FOXK2: variants seen among roughly 807,000 people sequenced by gnomAD.
The protein encoded by FOXK2 is forkhead box K2, also known as forkhead box protein K2.
Under a neutral mutation model 53.3 loss-of-function variants are expected in FOXK2, and 24 were observed. That is an observed-to-expected ratio of 0.45 (90% confidence interval 0.33 to 0.63). The LOEUF (loss-of-function observed/expected upper bound fraction) is 0.63, where lower values mean the gene tolerates loss of function less well. Among genes scored for constraint, FOXK2 ranks in the 30% least tolerant of loss-of-function variants. FOXK2 has a pLI of 0.03. For missense variants in FOXK2, 952 were observed against 910.5 expected (o/e 1.05, Z -0.59); for synonymous variants, 505 against 407.1 (o/e 1.24, Z -2.89).
At chr17:82,595,742 G>T (rs2045303182) in intron 8 of FOXK2, 1 of 1,285,104 alleles carries the variant, frequency 7.8e-7, no homozygotes, top group Non-Finnish European at 1.0e-6. Flanking sequence ...AGTGCACCTG[G>T]CTCCTGTGAC....
intron 8 of FOXK2, among the ~76,000 whole-genome samples, chr17:82,594,624 G>A (rs774623098): frequency 6.6e-6 from 1 of 152,216 alleles, no homozygotes; most frequent in Middle Eastern, 3.4e-3. Context: ...TCCAAAAGCC[G>A]CCCTCTGAAT....
At chr17:82,534,336 A>C (rs191129616) in intron 1 of FOXK2, among the ~76,000 whole-genome samples, 24 of 152,334 alleles carry the variant, frequency 1.6e-4, no homozygotes, top group Admixed American at 5.2e-4. Flanking sequence ...TTGAATAAAA[A>C]TGTTCTAATA....
chr17:82,577,164 A>G lies in FOXK2; in HGVS notation c.909+5294A>G, dbSNP rs554760528. 21 of 918,226 alleles carry G rather than the reference A, an allele frequency of 2.3e-5. No homozygotes were observed. In the African/African-American group the frequency reaches 2.7e-4, roughly 12 times the overall value. 56.9% of individuals were successfully genotyped at this position (918,226 alleles called of 1,614,324 possible). A position where few individuals can be genotyped will look rare whatever the true frequency, so the allele number is the denominator to read the frequency against. On this transcript the variant is annotated intron_variant, in intron 4 of 8. Transcript: ENST00000335255. The stretch of plus-strand genomic sequence containing the variant: ...GCAACAAGAGCAAAACTCCGTCTCA[A>G]AAAAAGAAAAAGAAAAAAAGAAATG...
chr17:82,520,001 C>T lies in FOXK2; in HGVS notation c.113C>T (p.Ala38Val), dbSNP rs769573466. ...TCCCCGCCGGGCGGCTGGGCCGTGG[C>T]GCGCCTGGAGGGCCGCGAGTTCGAG... ...GGSPPGGWAV[A>V]RLEGREFEYL... is the part of the protein sequence containing the mutation. The change falls in exon 1 of 9, where the codon GCG (alanine) becomes GTG (valine). Residue 38 changes from alanine (A) to valine (V), a missense_variant. Coordinates refer to ENST00000335255, the MANE Select transcript of FOXK2 (RefSeq NM_004514.4). 1 of 1,443,506 alleles carries T rather than the reference C, an allele frequency of 6.9e-7. No homozygotes were observed. The highest frequency in any genetic ancestry group is 9.2e-7 in the Non-Finnish European group (1 of 1,092,430). The allele number at this position is 1,443,506 out of a possible 1,614,324, so 89.4% of individuals were successfully genotyped here.
rs1489108156 is a variant in FOXK2, at chr17:82,602,766, T to G, written c.*1267T>G. On this transcript the variant is annotated 3_prime_UTR_variant, in exon 9 of 9. Transcript: ENST00000335255. The stretch of plus-strand genomic sequence containing the variant: ...AGGTCCCTGCACCTCCTCGCCCGGC[T>G]CCTCAGGAAGAAAACCGCTGGCCCT... The G allele has an allele frequency of 6.6e-6, 1 of 152,242 alleles. No individual in the cohort carries two copies. The highest frequency in any genetic ancestry group is 1.5e-5 in the Non-Finnish European group (1 of 68,046). The allele number at this position is 152,242 out of a possible 1,614,324, so 9.4% of individuals were successfully genotyped here.
Position 82,586,031 on chromosome 17 carries a change from G to C in FOXK2, c.1407G>C (p.Gln469His). The change falls in exon 7 of 9, where the codon CAG becomes CAC. Residue 469 changes from glutamine (Q) to histidine (H), a missense_variant. Coordinates refer to ENST00000335255, the MANE Select transcript of FOXK2 (RefSeq NM_004514.4). ...CGACCTCCCAGCCACCCGTCGTGCAGACGGTTCACGTCGTCCACCAGATCC... is the reference window on the plus strand; with the variant it reads ...CGACCTCCCAGCCACCCGTCGTGCACACGGTTCACGTCGTCCACCAGATCC... ...TTSTSQPPVV[Q>H]TVHVVHQIPA... The C allele has an allele frequency of 1.9e-6, 3 of 1,612,840 alleles. No individual in the cohort carries two copies. The highest frequency in any genetic ancestry group is 2.5e-6 in the Non-Finnish European group (3 of 1,179,998).
At chr17:82,590,032 C>T (rs370428619) in intron 8 of FOXK2, among the ~76,000 whole-genome samples, 32 of 150,650 alleles carry the variant, frequency 2.1e-4, no homozygotes, top group Non-Finnish European at 4.0e-4. Context: ...GGCAACACAG[C>T]GAGACTCCAT....
chr17:82,568,465 G>T (rs1403418356), intron 3 of FOXK2, among the ~76,000 whole-genome samples: 2 of 152,248 alleles, frequency 1.3e-5, no homozygotes, highest in Non-Finnish European at 2.9e-5. Flanking sequence ...GCAGACAGCG[G>T]AAGATGGAGG....
chr17:82,528,272 AT>A (rs2044438112), intron 1 of FOXK2, among the ~76,000 whole-genome samples: 1 of 152,190 alleles, frequency 6.6e-6, no homozygotes, highest in Non-Finnish European at 1.5e-5. Flanking sequence ...GTAACAGCAG[AT>A]TTTTCCATTG....
chr17:82,545,475 A>G (rs1256488421), intron 1 of FOXK2, among the ~76,000 whole-genome samples: 7 of 152,172 alleles, frequency 4.6e-5, no homozygotes, highest in Non-Finnish European at 1.0e-4. Flanking sequence ...ACAACGATTC[A>G]ATATTCTGCT....
intron 3 of FOXK2, among the ~76,000 whole-genome samples, chr17:82,569,961 C>T (rs1267428535): frequency 2.0e-5 from 3 of 148,592 alleles, no homozygotes; most frequent in East Asian, 2.2e-4. Context: ...GTGGCTCACG[C>T]CTGTAATCCC....
intron 1 of FOXK2, among the ~76,000 whole-genome samples, chr17:82,552,553 G>T (rs2044687022): frequency 6.6e-6 from 1 of 152,136 alleles, no homozygotes; most frequent in African/African-American, 2.4e-5. Flanking sequence ...TTTGTCTTCT[G>T]TGACATTGAT....
At chr17:82,560,780 T>G (rs1024365184) in intron 1 of FOXK2, among the ~76,000 whole-genome samples, 3 of 152,138 alleles carry the variant, frequency 2.0e-5, no homozygotes, top group Admixed American at 1.3e-4. Context: ...GGTGGATCAC[T>G]TGAGCCCAGG....
chr17:82,584,238 C>G, intron 6 of FOXK2, 50 bp downstream of exon 6: 1 of 1,498,422 alleles, frequency 6.7e-7, no homozygotes, highest in Non-Finnish European at 8.9e-7. Flanking sequence ...GAGCCAGACG[C>G]GGACGCCTGG....
At chr17:82,551,239 C>T (rs1247973085) in intron 1 of FOXK2, among the ~76,000 whole-genome samples, 1 of 151,854 alleles carries the variant, frequency 6.6e-6, no homozygotes, top group Non-Finnish European at 1.5e-5. Flanking sequence ...ATGGCGTGAA[C>T]CTGGGAGGCG....
intron 1 of FOXK2, among the ~76,000 whole-genome samples, chr17:82,526,916 A>G (rs1237747113): frequency 6.6e-6 from 1 of 152,054 alleles, no homozygotes; most frequent in Admixed American, 6.6e-5. Flanking sequence ...GAAGGAGGAC[A>G]GCTCCCAGTG....
intron 2 of FOXK2, among the ~76,000 whole-genome samples, chr17:82,567,527 C>T (rs1441657275): frequency 6.6e-6 from 1 of 152,224 alleles, no homozygotes; most frequent in East Asian, 1.9e-4. Flanking sequence ...TGCTGTTGTG[C>T]CTTCAGCAGG....
At chr17:82,586,404 G>A (rs76509345) in intron 7 of FOXK2, among the ~76,000 whole-genome samples, 1,719 of 16,394 alleles carry the variant, frequency 0.1, 3 homozygotes, top group Middle Eastern at 0.17. Context: ...AGGTGGGCGG[G>A]GGGGAAAGGA....
intron 2 of FOXK2, among the ~76,000 whole-genome samples, chr17:82,566,355 C>A (rs796482950): frequency 6.6e-6 from 1 of 152,022 alleles, no homozygotes; most frequent in Non-Finnish European, 1.5e-5. Context: ...GTCTGAGAGT[C>A]GCCCCGGCTG....
Sources: allele counts gnomAD v4.1 joint callset (sites outside exome capture counted in the v4.1 genomes callset), GRCh38; gene constraint gnomAD v4.1.1; transcripts MANE v1.5; gene names NCBI Gene and HGNC (gene_info 2026-07-23, HGNC 2026-07-21).